SLIT3: variants seen among roughly 807,000 people sequenced by gnomAD.
The protein encoded by SLIT3 is slit guidance ligand 3.
A neutral mutation model predicts 184.0 loss-of-function variants in SLIT3; 68 were observed. The observed-to-expected ratio is 0.37, with a 90% CI of 0.30 to 0.45. The LOEUF is 0.45. Ranked by LOEUF, SLIT3 falls within the 20% of genes least tolerant of loss-of-function variation. The pLI is 1.00. For missense variants in SLIT3, 1,707 were observed against 2,026.0 expected, an observed-to-expected ratio of 0.84 and a Z score of 3.02; for synonymous variants, 831 against 828.6, an observed-to-expected ratio of 1.00 and a Z score of -0.05.
intron 5 of SLIT3, among the ~76,000 whole-genome samples, chr5:168,872,814 G>A (rs955604955): frequency 1.3e-5 from 2 of 151,616 alleles, no homozygotes; most frequent in African/African-American, 2.4e-5. Context: ...CTAATTTTTC[G>A]TATTTTTAGT....
intron 4 of SLIT3, among the ~76,000 whole-genome samples, chr5:168,922,076 G>C (rs1761653653): frequency 6.6e-6 from 1 of 152,204 alleles, no homozygotes; most frequent in Admixed American, 6.5e-5. Flanking sequence ...CTGAGGCTCT[G>C]AGAAGTAACT....
At position 168,685,863 on chromosome 5, in the gene SLIT3, C is replaced by T. The variant is rs139088824; in HGVS notation, c.3379G>A (p.Glu1127Lys). The change falls in exon 31 of 36, where the codon GAG (glutamate) becomes AAG (lysine). Residue 1127 changes from glutamate (E) to lysine (K), a missense_variant. Around this residue, in one of 3 missense-constraint regions of SLIT3, gnomAD observed 1,307 missense variants for 1,511.6 expected, o/e 0.86. Coordinates refer to ENST00000519560, the MANE Select transcript of SLIT3 (RefSeq NM_003062.4). ...LLQTSPCDQY[E>K]CQNGAQCIVV... Reference sequence around the variant, plus strand: ...ATGCACTGGGCCCCGTTCTGGCACTCGTACTGGTCGCATGGGCTGGTCTGC... The same window carrying T: ...ATGCACTGGGCCCCGTTCTGGCACTTGTACTGGTCGCATGGGCTGGTCTGC... 3.1e-4 allele frequency: 495 copies of T among 1,613,792 alleles called. No homozygotes were observed. Among genetic ancestry groups the T allele is most frequent in the Non-Finnish European group, 3.8e-4 (444 of 1,179,968 alleles).
chr5:169,042,331 A>C (rs1757472834), intron 4 of SLIT3, among the ~76,000 whole-genome samples: 1 of 152,236 alleles, frequency 6.6e-6, no homozygotes, highest in Non-Finnish European at 1.5e-5. Context: ...CCTCAAAGTC[A>C]GCACCAGTAA....
At chr5:168,948,267 G>T (rs1357245008) in intron 4 of SLIT3, among the ~76,000 whole-genome samples, 2 of 152,180 alleles carry the variant, frequency 1.3e-5, no homozygotes, top group African/African-American at 2.4e-5. Flanking sequence ...ACTATTAATA[G>T]TCATGGCAAC....
intron 4 of SLIT3, among the ~76,000 whole-genome samples, chr5:168,958,178 G>T (rs1762893945): frequency 6.6e-6 from 1 of 152,124 alleles, no homozygotes; most frequent in Non-Finnish European, 1.5e-5. Context: ...CAAAGGATTA[G>T]GATGTAAGAA....
intron 4 of SLIT3, among the ~76,000 whole-genome samples, chr5:169,152,154 G>C (rs964345572): frequency 6.6e-6 from 1 of 152,180 alleles, no homozygotes; most frequent in African/African-American, 2.4e-5. Context: ...AGAGCCCCAG[G>C]TTTGAAGTCA....
At chr5:169,257,533 C>CTTTTTTTTTTTTT (rs1157258489) in intron 1 of SLIT3, among the ~76,000 whole-genome samples, 2 of 80,962 alleles carry the variant, frequency 2.5e-5, no homozygotes, top group African/African-American at 5.8e-5. Context: ...TCTATGCCTC[C>CTTTTTTTTTTTTT]TTTTTTTTTT....
At chr5:168,826,762 C>T (rs752739566) in intron 6 of SLIT3, among the ~76,000 whole-genome samples, 2 of 151,882 alleles carry the variant, frequency 1.3e-5, no homozygotes, top group Non-Finnish European at 1.5e-5. Flanking sequence ...TGCATTGTAC[C>T]GTTTCTTTTC....
At chr5:169,236,986 C>G (rs1318435650) in intron 3 of SLIT3, among the ~76,000 whole-genome samples, 1 of 152,154 alleles carries the variant, frequency 6.6e-6, no homozygotes, top group Non-Finnish European at 1.5e-5. Flanking sequence ...TCTGTCCTCA[C>G]CATCCACCAT....
intron 4 of SLIT3, among the ~76,000 whole-genome samples, chr5:169,125,565 G>A (rs568522100): frequency 2.0e-5 from 3 of 152,190 alleles, no homozygotes; most frequent in South Asian, 4.2e-4. Flanking sequence ...CTGGTCACTC[G>A]GCCTTCACCG....
chr5:168,909,292 T>A (rs1034865579), intron 4 of SLIT3, among the ~76,000 whole-genome samples: 1 of 151,774 alleles, frequency 6.6e-6, no homozygotes, highest in Non-Finnish European at 1.5e-5. Context: ...GCAAATTCTT[T>A]AAAAAAAAAT....
chr5:169,284,477 A>G (rs965306683), intron 1 of SLIT3, among the ~76,000 whole-genome samples: 7 of 152,258 alleles, frequency 4.6e-5, no homozygotes, highest in Admixed American at 3.9e-4. Flanking sequence ...TGGACAAATC[A>G]ATATACAAAC....
At chr5:169,065,091 A>G (rs1395464804) in intron 4 of SLIT3, among the ~76,000 whole-genome samples, 1 of 152,212 alleles carries the variant, frequency 6.6e-6, no homozygotes, top group African/African-American at 2.4e-5. Flanking sequence ...ATATGGTTAA[A>G]CAGTCATATG....
chr5:168,881,739 A>C (rs550205400), intron 5 of SLIT3, among the ~76,000 whole-genome samples: 26 of 152,260 alleles, frequency 1.7e-4, no homozygotes, highest in African/African-American at 6.3e-4. Context: ...AGGATGAGAG[A>C]TCTCTCATTA....
At chr5:169,065,888 A>G (rs1305307768) in intron 4 of SLIT3, among the ~76,000 whole-genome samples, 1 of 152,234 alleles carries the variant, frequency 6.6e-6, no homozygotes, top group East Asian at 1.9e-4. Context: ...GGTATCATAC[A>G]TATAGTCTCT....
At chr5:168,900,633 AC>A (rs1332212662) in intron 4 of SLIT3, among the ~76,000 whole-genome samples, 1 of 152,134 alleles carries the variant, frequency 6.6e-6, no homozygotes, top group Non-Finnish European at 1.5e-5. Flanking sequence ...ACAAAACAAA[AC>A]AAAACAAAAC....
intron 4 of SLIT3, among the ~76,000 whole-genome samples, chr5:168,927,789 G>A (rs1371708081): frequency 6.6e-6 from 1 of 152,228 alleles, no homozygotes; most frequent in East Asian, 1.9e-4. Flanking sequence ...GATTTTGCCT[G>A]CAAGAATGTC....
At chr5:169,294,124 G>T (rs1767434219) in intron 1 of SLIT3, among the ~76,000 whole-genome samples, 1 of 152,056 alleles carries the variant, frequency 6.6e-6, no homozygotes, top group Non-Finnish European at 1.5e-5. Flanking sequence ...TCCTAAAAAG[G>T]GTTAAGACCA....
chr5:168,785,810 A>T, intron 12 of SLIT3, 97 bp downstream of exon 12: 3 of 855,712 alleles, frequency 3.5e-6, no homozygotes, highest in Non-Finnish European at 5.8e-6. Flanking sequence ...TTGTCTGCAG[A>T]AAGTCAAAAG....
Sources: gnomAD v4.1 joint callset for allele counts (sites outside exome capture counted in the v4.1 genomes callset) on GRCh38, gnomAD v4.1.1 for gene constraint, gnomAD v4.1.1 regional missense constraint, MANE v1.5 for transcripts, NCBI Gene and HGNC (gene_info 2026-07-23, HGNC 2026-07-21) for gene names.